Variants in RBFOX1 observed in about 807,000 individuals in gnomAD.
The protein encoded by RBFOX1 is RNA binding fox-1 homolog 1.
Under a neutral mutation model 57.7 loss-of-function variants are expected in RBFOX1, and 8 were observed. The ratio of observed to expected loss-of-function variants is 0.14; its 90% confidence interval spans 0.08 to 0.25. RBFOX1 has a LOEUF of 0.25. Among genes scored for constraint, RBFOX1 ranks in the 10% least tolerant of loss-of-function variants. RBFOX1 has a pLI of 1.00. For synonymous variants in RBFOX1, 326 were observed against 222.4 expected, an observed-to-expected ratio of 1.47 and a Z score of -4.15; for missense variants, 611 against 548.5, an observed-to-expected ratio of 1.11 and a Z score of -1.14.
chr16:7,564,526 G>T (rs2091217162), intron 5 of RBFOX1, among the ~76,000 whole-genome samples: 1 of 109,894 alleles, frequency 9.1e-6, no homozygotes, highest in Non-Finnish European at 1.6e-5. Context: ...GGCTGACAGA[G>T]CAAGACTCCA....
chr16:6,899,411 A>G (rs559883563), intron 3 of RBFOX1, among the ~76,000 whole-genome samples: 17 of 152,310 alleles, frequency 1.1e-4, no homozygotes, highest in African/African-American at 2.6e-4. Flanking sequence ...TTCATGAAGC[A>G]TGGATACATT....
intron 1 of RBFOX1, among the ~76,000 whole-genome samples, chr16:6,237,101 C>T (rs1264406704): frequency 6.6e-6 from 1 of 152,156 alleles, no homozygotes. Context: ...TTTTGTTCTG[C>T]CTGAGCCAAA....
chr16:5,341,911 C>A (rs1279296878), intron 1 of RBFOX1, among the ~76,000 whole-genome samples: 1 of 152,152 alleles, frequency 6.6e-6, no homozygotes, highest in African/African-American at 2.4e-5. Context: ...CGGGAAGCCT[C>A]CCTGCCAGGG....
At chr16:5,598,760 G>A (rs1314370655) in intron 2 of RBFOX1, 1 of 653,892 alleles carries the variant, frequency 1.5e-6, no homozygotes, top group Non-Finnish European at 2.6e-6. Context: ...CCCTGCAGGG[G>A]ATGGGTGGAG....
rs757226166 is a variant in RBFOX1 at position 5,585,431 on chromosome 16, C to T, written c.259-13471C>T. ...CCAGTGATGGACATCTGGGGTGTTT[C>T]CTGCTTTGGGCTCTCTTGGGATTTT... On this transcript the variant is annotated intron_variant, in intron 2 of 2. Coordinates refer to the RBFOX1 transcript ENST00000585867. 3.3e-5 allele frequency among the ~76,000 whole-genome samples: 5 copies of T among 152,282 alleles called. No individual in the cohort carries two copies. In the East Asian group the frequency reaches 9.6e-4, roughly 29 times the overall value.
intron 4 of RBFOX1, among the ~76,000 whole-genome samples, chr16:7,074,469 T>A (rs1040139801): frequency 1.3e-5 from 2 of 152,194 alleles, no homozygotes; most frequent in African/African-American, 4.8e-5. Context: ...CATCAGATTG[T>A]AAAATGCTGA....
intron 2 of RBFOX1, among the ~76,000 whole-genome samples, chr16:6,618,427 A>G (rs2098175207): frequency 6.6e-6 from 1 of 152,236 alleles, no homozygotes; most frequent in African/African-American, 2.4e-5. Flanking sequence ...ACTGAAACAC[A>G]GGAAGACTAG....
At chr16:5,316,211 A>G (rs1436787508) in intron 1 of RBFOX1, among the ~76,000 whole-genome samples, 2 of 152,220 alleles carry the variant, frequency 1.3e-5, no homozygotes, top group Non-Finnish European at 1.5e-5. Flanking sequence ...ATCGAGCACA[A>G]CTTCCCTCAG....
At chr16:5,421,686 G>C (rs1269541645) in intron 1 of RBFOX1, among the ~76,000 whole-genome samples, 1 of 152,194 alleles carries the variant, frequency 6.6e-6, no homozygotes, top group African/African-American at 2.4e-5. Flanking sequence ...TATTAAAAAA[G>C]ACATTTGAGT....
chr16:6,074,646 G>A (rs1055223329), intron 1 of RBFOX1, among the ~76,000 whole-genome samples: 4 of 152,198 alleles, frequency 2.6e-5, no homozygotes, highest in African/African-American at 9.7e-5. Flanking sequence ...CAAAAGTGGT[G>A]ATTTATAGCC....
At chr16:6,140,032 C>G (rs1396489871) in intron 1 of RBFOX1, among the ~76,000 whole-genome samples, 1 of 151,514 alleles carries the variant, frequency 6.6e-6, no homozygotes, top group Non-Finnish European at 1.5e-5. Flanking sequence ...TTACCAAATG[C>G]TCTTCTCCCC....
chr16:6,530,877 T>C (rs1350647537), intron 2 of RBFOX1, among the ~76,000 whole-genome samples: 1 of 152,030 alleles, frequency 6.6e-6, no homozygotes, highest in Non-Finnish European at 1.5e-5. Flanking sequence ...GTAAGAGATA[T>C]AATTCAAGAT....
At position 7,216,796 on chromosome 16, in the gene RBFOX1, C is replaced by T. The variant is rs146330058; in HGVS notation, c.27+164698C>T. 5.6e-3 allele frequency among the ~76,000 whole-genome samples: 849 copies of T among 152,252 alleles called. 11 individuals are homozygous for T. Among genetic ancestry groups the T allele is most frequent in the African/African-American group, 0.019 (797 of 41,546 alleles). ...CATTACAGAAAAATTCTTAGGGTAG[C>T]AGTTCCTGGTAGTTACTGTTTTTTC... On this transcript the variant is annotated intron_variant, in intron 4 of 15. Transcript: ENST00000550418.
At chr16:6,526,857 A>AAAAAAAAAAAC (rs1567560941) in intron 2 of RBFOX1, among the ~76,000 whole-genome samples, 10 of 130,416 alleles carry the variant, frequency 7.7e-5, no homozygotes, top group African/African-American at 2.5e-4. Context: ...AAAAAAAAAA[A>AAAAAAAAAAAC]AACAACCAGA....
intron 2 of RBFOX1, among the ~76,000 whole-genome samples, chr16:5,496,439 G>A (rs1480639270): frequency 1.3e-5 from 2 of 151,800 alleles, no homozygotes; most frequent in African/African-American, 4.8e-5. Flanking sequence ...GCTTCATCTC[G>A]AATGTGTCCA....
At chr16:5,605,609 G>A (rs934053418) in intron 3 of RBFOX1, among the ~76,000 whole-genome samples, 1 of 151,640 alleles carries the variant, frequency 6.6e-6, no homozygotes, top group Non-Finnish European at 1.5e-5. Context: ...AGTAATGTCT[G>A]CCTTGGGTCT....
intron 3 of RBFOX1, among the ~76,000 whole-genome samples, chr16:6,978,215 A>C (rs2087648443): frequency 6.6e-6 from 1 of 152,030 alleles, no homozygotes; most frequent in African/African-American, 2.4e-5. Context: ...TGCAGTTCGA[A>C]ATGCTTCTTG....
At chr16:5,358,655 C>T (rs2065458695) in intron 1 of RBFOX1, among the ~76,000 whole-genome samples, 1 of 152,180 alleles carries the variant, frequency 6.6e-6, no homozygotes, top group Non-Finnish European at 1.5e-5. Flanking sequence ...GAAACCCTGT[C>T]TCTACTAAAA....
intron 2 of RBFOX1, among the ~76,000 whole-genome samples, chr16:5,579,133 C>T (rs2046573279): frequency 6.6e-6 from 1 of 152,110 alleles, no homozygotes; most frequent in African/African-American, 2.4e-5. Flanking sequence ...GAGGCATGAG[C>T]CACCACGCCT....
Sources: allele counts gnomAD v4.1 joint callset (sites outside exome capture counted in the v4.1 genomes callset), GRCh38; gene constraint gnomAD v4.1.1; transcripts MANE v1.5; gene names NCBI Gene and HGNC (gene_info 2026-07-23, HGNC 2026-07-21).